Variants in ZGRF1 observed in about 807,000 individuals in gnomAD.
ZGRF1 encodes the protein zinc finger GRF-type containing 1.
Under a neutral mutation model 203.5 loss-of-function variants are expected in ZGRF1, and 196 were observed. The observed-to-expected ratio is 0.96, with a 90% CI of 0.86 to 1.08. The LOEUF (loss-of-function observed/expected upper bound fraction) is 1.08, where lower values mean the gene tolerates loss of function less well. Among genes scored for constraint, ZGRF1 ranks in the 50% least tolerant of loss-of-function variants. The pLI, the probability that ZGRF1 is intolerant of heterozygous loss-of-function variation, is 0.00. For missense variants in ZGRF1, 2,326 were observed against 2,416.3 expected (o/e 0.96, Z 0.78); for synonymous variants, 809 against 841.3 (o/e 0.96, Z 0.66).
intron 4 of ZGRF1, among the ~76,000 whole-genome samples, chr4:112,620,558 T>C (rs189313945): frequency 1.4e-3 from 215 of 152,156 alleles, no homozygotes; most frequent in Non-Finnish European, 2.0e-3. Context: ...TACAAAAAAT[T>C]TTTATTTTAA....
At chr4:112,596,591 G>A (rs1314140056) in intron 10 of ZGRF1, among the ~76,000 whole-genome samples, 1 of 151,782 alleles carries the variant, frequency 6.6e-6, no homozygotes, top group African/African-American at 2.4e-5. Flanking sequence ...CAGAATATCA[G>A]GATTTTTTTT....
At chr4:112,574,622 G>C (rs1744811560) in intron 16 of ZGRF1, among the ~76,000 whole-genome samples, 2 of 152,172 alleles carry the variant, frequency 1.3e-5, no homozygotes, top group Admixed American at 1.3e-4. Flanking sequence ...TTTTAAGTAA[G>C]TTACTAATTA....
In ZGRF1 at chr4:112,618,402, T is replaced by C. The variant is rs1045287343; in HGVS notation, c.1640A>G (p.Gln547Arg). ...ATCCTGGGAAATTTTGTTGCTTTCC[T>C]GTGATTCCTCCTCAGTGTCACTGGT... ...FETSDTEEES[Q>R]ESNKISQDSE... is the part of the protein sequence containing the mutation. Residue 547 changes from glutamine to arginine, a missense_variant, in exon 6 of 28, where the codon CAG (glutamine) becomes CGG (arginine). Physicochemically the swap from Gln to Arg is conservative, Grantham distance 43. Coordinates refer to ENST00000505019, the MANE Select transcript of ZGRF1 (RefSeq NM_018392.5). 6.2e-7 allele frequency: 1 copy of C among 1,613,906 alleles called. No homozygotes were observed. The highest frequency in any genetic ancestry group is 1.7e-5 in the Admixed American group (1 of 59,998).
intron 1 of ZGRF1, among the ~76,000 whole-genome samples, chr4:112,635,611 A>G (rs1189455684): frequency 1.3e-5 from 2 of 148,706 alleles, no homozygotes. Flanking sequence ...TTATTATGTA[A>G]TTATATAATA....
rs550562493 is a variant in ZGRF1 at position 112,567,668 on chromosome 4, A to C, written c.4439-4394T>G. On this transcript the variant is annotated intron_variant, in intron 16 of 27. Transcript: ENST00000505019. ...AGGCCAGGCACAATGGCTCACACCT[A>C]TAATCCCAACACTTTAGGAGGCTGA... Among the ~76,000 whole-genome samples, 4 of 152,272 alleles carry C rather than the reference A, an allele frequency of 2.6e-5. No homozygotes were observed. The East Asian group carries it at 7.7e-4, about 29-fold the overall frequency.
chr4:112,550,442 T>C (rs1261069150), intron 22 of ZGRF1, among the ~76,000 whole-genome samples: 1 of 152,170 alleles, frequency 6.6e-6, no homozygotes, highest in Non-Finnish European at 1.5e-5. Context: ...AAACAGTTTT[T>C]AAAAATTTTC....
At chr4:112,588,022 G>C in intron 11 of ZGRF1, 93 bp from the exon 12 acceptor site, 1 of 744,612 alleles carries the variant, frequency 1.3e-6, no homozygotes, top group Non-Finnish European at 2.0e-6. Flanking sequence ...GCAAAATGTA[G>C]CAACTTGCTC....
chr4:112,633,355 C>G (rs1191565206), intron 1 of ZGRF1, 113 bp from the exon 2 acceptor site: 1 of 590,198 alleles, frequency 1.7e-6, no homozygotes, highest in Non-Finnish European at 3.0e-6. Context: ...CCAAGATTAC[C>G]TAACTACCAA....
intron 16 of ZGRF1, among the ~76,000 whole-genome samples, chr4:112,570,742 G>A (rs1204579849): frequency 2.6e-5 from 4 of 151,822 alleles, no homozygotes; most frequent in African/African-American, 9.7e-5. Context: ...ATGACTCACA[G>A]GTTAAAAAAA....
At position 112,541,284 on chromosome 4, in the gene ZGRF1, G is replaced by A; in HGVS notation, c.5599-16C>T. On this transcript the variant is annotated splice_polypyrimidine_tract_variant and intron_variant, in intron 24 of 27. Coordinates refer to ENST00000505019, the MANE Select transcript of ZGRF1 (RefSeq NM_018392.5). The stretch of plus-strand genomic sequence containing the variant: ...GCTTGTGACCCTAAGAAATTTAAAT[G>A]AAGAAAAATAAAACATAATTTTTTT... 2.1e-6 allele frequency: 3 copies of A among 1,448,484 alleles called. No individual in the cohort carries two copies. The highest frequency in any genetic ancestry group is 1.9e-6 in the Non-Finnish European group (2 of 1,074,700). 89.7% of individuals were successfully genotyped at this position (1,448,484 alleles called of 1,614,324 possible).
At chr4:112,616,345 C>A (rs1560862712) in intron 6 of ZGRF1, among the ~76,000 whole-genome samples, 1 of 137,104 alleles carries the variant, frequency 7.3e-6, no homozygotes, top group Non-Finnish European at 1.6e-5. Flanking sequence ...CATGGTGAAA[C>A]CCCATCTCTA....
intron 1 of ZGRF1, among the ~76,000 whole-genome samples, chr4:112,634,153 T>C (rs755835642): frequency 6.6e-6 from 1 of 152,242 alleles, no homozygotes; most frequent in Non-Finnish European, 1.5e-5. Context: ...GTGCCAGATA[T>C]TATGCTAAAG....
chr4:112,618,333 G>A lies in ZGRF1; in HGVS notation c.1709C>T (p.Ser570Leu). The A allele has an allele frequency of 6.2e-7, 1 of 1,613,842 alleles. No homozygotes were observed. Among genetic ancestry groups the A allele is most frequent in the East Asian group, 2.2e-5 (1 of 44,852 alleles). ...VKDILVNDGN[S>L]CFQKRSENTN... ...ATTCTCAGACCTCTTTTGAAAACAT[G>A]AATTGCCATCATTAACCAAAATGTC... The change falls in exon 6 of 28, where the codon TCA (serine) becomes TTA (leucine). Residue 570 changes from serine (S) to leucine (L), a missense_variant. Coordinates refer to ENST00000505019, the MANE Select transcript of ZGRF1 (RefSeq NM_018392.5).
rs1209445751 is a variant in ZGRF1, at chr4:112,540,854, A to G, written c.5877T>C (p.Gly1959=). Residue 1959 remains glycine (G), a synonymous_variant, in exon 26 of 28, where the codon GGT becomes GGC. Transcript: ENST00000505019. ...TCTGGGATTTGTATAATGTTATCAC[A>G]CCAATCATAGAGCCTGCTATTCCAC... is the stretch of plus-strand genomic sequence containing the variant. The part of the protein sequence containing the change: ...IASGIAGSMI[G]VITLYKSQMY... 2 of 1,595,672 alleles carry G rather than the reference A, an allele frequency of 1.3e-6. No homozygotes were observed. Among genetic ancestry groups the G allele is most frequent in the Non-Finnish European group, 1.7e-6 (2 of 1,169,992 alleles).
At chr4:112,541,070 C>T (rs1737484666) in intron 25 of ZGRF1, 22 bp downstream of exon 25, 1 of 1,555,230 alleles carries the variant, frequency 6.4e-7, no homozygotes, top group Non-Finnish European at 8.7e-7. Flanking sequence ...TGTTGACTCT[C>T]ATCAACATTA....
At chr4:112,575,488 C>T (rs974471042) in intron 16 of ZGRF1, among the ~76,000 whole-genome samples, 4 of 152,176 alleles carry the variant, frequency 2.6e-5, no homozygotes, top group South Asian at 2.1e-4. Flanking sequence ...CATCGCCTCA[C>T]CCGGGAAGTG....
At chr4:112,576,193 T>G (rs1223560710) in intron 16 of ZGRF1, among the ~76,000 whole-genome samples, 1 of 152,018 alleles carries the variant, frequency 6.6e-6, no homozygotes, top group East Asian at 1.9e-4. Flanking sequence ...TCCAGCAAAC[T>G]CCAACAGACC....
intron 4 of ZGRF1, 81 bp from the exon 5 acceptor site, chr4:112,620,271 C>A: frequency 1.0e-6 from 1 of 995,454 alleles, no homozygotes; most frequent in Non-Finnish European, 1.5e-6. Context: ...AGCACTAAGA[C>A]ACAATGGGTG....
At chr4:112,636,489 TAACA>T (rs1406757146) in intron 1 of ZGRF1, among the ~76,000 whole-genome samples, 29 of 152,250 alleles carry the variant, frequency 1.9e-4, no homozygotes, top group Non-Finnish European at 3.4e-4. Flanking sequence ...TCAACATTGT[TAACA>T]AACCATCCAG....
Sources: gnomAD v4.1 joint callset for allele counts (sites outside exome capture counted in the v4.1 genomes callset) on GRCh38, gnomAD v4.1.1 for gene constraint, MANE v1.5 for transcripts, NCBI Gene and HGNC (gene_info 2026-07-23, HGNC 2026-07-21) for gene names.